The following INSYN2B variants were observed in gnomAD, a reference collection of about 807,000 sequenced individuals.
INSYN2B encodes protein INSYN2B.
Under a neutral mutation model 41.2 loss-of-function variants are expected in INSYN2B, and 16 were observed. The observed-to-expected ratio is 0.39, with a 90% confidence interval of 0.26 to 0.59. The LOEUF (loss-of-function observed/expected upper bound fraction) is 0.59. Among genes scored for constraint, INSYN2B ranks in the 20% least tolerant of loss-of-function variants. The pLI, the probability that INSYN2B is intolerant of heterozygous loss-of-function variation, is 0.57. For missense variants in INSYN2B, 608 were observed against 646.4 expected (o/e 0.94, Z 0.64); for synonymous variants, 245 against 244.4 (o/e 1.00, Z -0.02).
intron 1 of INSYN2B, among the ~76,000 whole-genome samples, chr5:169,960,003 A>G (rs887635526): frequency 2.0e-5 from 3 of 152,248 alleles, no homozygotes; most frequent in African/African-American, 7.2e-5. Flanking sequence ...ATGTAAAGCT[A>G]GATCATCAGA....
intron 1 of INSYN2B, among the ~76,000 whole-genome samples, chr5:169,926,182 A>T (rs915912457): frequency 1.1e-4 from 16 of 152,220 alleles, no homozygotes; most frequent in African/African-American, 3.9e-4. Context: ...GTCGGCATGG[A>T]TGTGGATAGG....
intron 1 of INSYN2B, among the ~76,000 whole-genome samples, chr5:169,910,866 C>T (rs1443663867): frequency 1.3e-5 from 2 of 152,180 alleles, no homozygotes; most frequent in African/African-American, 2.4e-5. Context: ...CCCACCTAGT[C>T]GGTTTCTCCT....
At chr5:169,974,109 T>G (rs1270040268) in intron 1 of INSYN2B, among the ~76,000 whole-genome samples, 2 of 152,190 alleles carry the variant, frequency 1.3e-5, no homozygotes, top group Non-Finnish European at 2.9e-5. Flanking sequence ...AGCCTCCTTT[T>G]TTTCTAAATT....
chr5:169,883,924 C>T lies in INSYN2B; in HGVS notation c.-26G>A. The T allele has an allele frequency of 6.8e-7, 1 of 1,462,130 alleles. No homozygotes were observed. The highest frequency in any genetic ancestry group is 9.1e-7 in the Non-Finnish European group (1 of 1,104,058). 90.6% of individuals were successfully genotyped at this position (1,462,130 alleles called of 1,614,324 possible). ...TGAGCCTCAGTGGGAAGGATCAGGA[C>T]CATACACTTCTCCTAGGCACATCTC... On this transcript the variant is annotated 5_prime_UTR_variant, in exon 2 of 4. Coordinates refer to ENST00000377365, the MANE Select transcript of INSYN2B (RefSeq NM_001129891.3).
intron 2 of INSYN2B, 49 bp from the exon 3 acceptor site, chr5:169,881,491 G>A: frequency 6.9e-7 from 1 of 1,447,488 alleles, no homozygotes; most frequent in Non-Finnish European, 9.5e-7. Flanking sequence ...AAAGTCACGT[G>A]GGCCACAAAC....
intron 1 of INSYN2B, among the ~76,000 whole-genome samples, chr5:169,959,630 G>A (rs564561717): frequency 1.7e-4 from 26 of 152,304 alleles, no homozygotes; most frequent in African/African-American, 5.8e-4. Flanking sequence ...AGAGGATCAT[G>A]CATAAAGGTA....
chr5:169,972,843 A>C (rs1320087738), intron 1 of INSYN2B, among the ~76,000 whole-genome samples: 1 of 152,168 alleles, frequency 6.6e-6, no homozygotes, highest in Non-Finnish European at 1.5e-5. Context: ...TCCTTGCTGC[A>C]GTTAAGCACT....
At chr5:169,929,957 ACT>A (rs1775666038) in intron 1 of INSYN2B, among the ~76,000 whole-genome samples, 1 of 152,110 alleles carries the variant, frequency 6.6e-6, no homozygotes, top group African/African-American at 2.4e-5. Flanking sequence ...GGCTAATGTG[ACT>A]GAAGAATAGA....
rs74350237 is a variant in INSYN2B, at chr5:169,863,890, T to C, written c.*383A>G. Reference sequence around the variant, plus strand: ...CCGGGTCTGCACAACACTATTTTTTTCTTTTGGGTTTATGAACCCAGGATG... The same window carrying C: ...CCGGGTCTGCACAACACTATTTTTTCCTTTTGGGTTTATGAACCCAGGATG... On this transcript the variant is annotated 3_prime_UTR_variant, in exon 4 of 4. Coordinates refer to ENST00000377365, the MANE Select transcript of INSYN2B (RefSeq NM_001129891.3). Among the ~76,000 whole-genome samples, 362 of 152,338 alleles carry C rather than the reference T, an allele frequency of 2.4e-3. 2 individuals carry two copies. Among genetic ancestry groups the C allele is most frequent in the African/African-American group, 8.6e-3 (357 of 41,574 alleles).
chr5:169,951,941 A>G (rs1180873847), intron 1 of INSYN2B, among the ~76,000 whole-genome samples: 1 of 152,210 alleles, frequency 6.6e-6, no homozygotes, highest in Non-Finnish European at 1.5e-5. Flanking sequence ...CCTAGGCTCT[A>G]TGTTATTCTG....
intron 3 of INSYN2B, among the ~76,000 whole-genome samples, chr5:169,874,089 A>G (rs1442535339): frequency 6.8e-6 from 1 of 146,470 alleles, no homozygotes; most frequent in Non-Finnish European, 1.5e-5. Flanking sequence ...GTCCAGAAGA[A>G]TTTATGAGTG....
intron 3 of INSYN2B, chr5:169,875,256 TC>T (rs2113475806): frequency 2.2e-6 from 1 of 456,702 alleles, no homozygotes; most frequent in East Asian, 6.9e-5. Context: ...ATTCCCATCC[TC>T]CACCCCACAC....
At chr5:169,869,225 C>CAGGGA (rs1258257283) in intron 3 of INSYN2B, among the ~76,000 whole-genome samples, 5 of 152,186 alleles carry the variant, frequency 3.3e-5, no homozygotes, top group Non-Finnish European at 7.3e-5. Flanking sequence ...CATCTACATT[C>CAGGGA]AGGGAAGAAC....
chr5:169,932,234 C>G (rs954602024), intron 1 of INSYN2B, among the ~76,000 whole-genome samples: 1 of 152,062 alleles, frequency 6.6e-6, no homozygotes, highest in Non-Finnish European at 1.5e-5. Context: ...AGGGTGGGTC[C>G]CTGAGTTTAC....
chr5:169,911,048 G>A (rs776847923), intron 1 of INSYN2B, among the ~76,000 whole-genome samples: 1 of 152,178 alleles, frequency 6.6e-6, no homozygotes, highest in Non-Finnish European at 1.5e-5. Context: ...GATGCTCGTT[G>A]GTCCACTAGC....
chr5:169,903,744 C>T lies in INSYN2B; in HGVS notation c.-918-18928G>A, dbSNP rs1377480064. Among the ~76,000 whole-genome samples the T allele has an allele frequency of 3.3e-5, 5 of 151,302 alleles. No individual in the cohort carries two copies. The East Asian group carries it at 9.7e-4, about 29-fold the overall frequency. On this transcript the variant is annotated intron_variant, in intron 1 of 3. Coordinates refer to ENST00000377365, the MANE Select transcript of INSYN2B (RefSeq NM_001129891.3). Reference sequence around the variant, plus strand: ...GTTTGGAGAAAGGTGGGTGAGAGCTCGGTCACTGTAGCAGGAAGTTTGGAC... The same window carrying T: ...GTTTGGAGAAAGGTGGGTGAGAGCTTGGTCACTGTAGCAGGAAGTTTGGAC...
chr5:169,978,065 C>T (rs1738651657), intron 1 of INSYN2B, among the ~76,000 whole-genome samples: 1 of 152,140 alleles, frequency 6.6e-6, no homozygotes, highest in South Asian at 2.1e-4. Flanking sequence ...TTTCCTTCAT[C>T]TCCTCTCACT....
chr5:169,946,010 C>T (rs945085551), intron 1 of INSYN2B, among the ~76,000 whole-genome samples: 1 of 152,194 alleles, frequency 6.6e-6, no homozygotes, highest in Non-Finnish European at 1.5e-5. Context: ...TCCCCTCCTC[C>T]CTGCTTCCTT....
intron 1 of INSYN2B, among the ~76,000 whole-genome samples, chr5:169,909,535 T>C (rs1477784228): frequency 6.6e-6 from 1 of 152,248 alleles, no homozygotes; most frequent in African/African-American, 2.4e-5. Flanking sequence ...CTTATCTTTA[T>C]GTCAGTCCTG....
Sources: gnomAD v4.1 joint callset for allele counts (sites outside exome capture counted in the v4.1 genomes callset) on GRCh38, gnomAD v4.1.1 for gene constraint, MANE v1.5 for transcripts, NCBI Gene and HGNC (gene_info 2026-07-23, HGNC 2026-07-21) for gene names.